SNAP91: variants seen among roughly 807,000 people sequenced by gnomAD.
SNAP91 encodes the protein clathrin coat assembly protein AP180.
SNAP91 carries 27 observed loss-of-function variants against 100.3 expected under a neutral mutation model. The ratio of observed to expected loss-of-function variants is 0.27; its 90% CI spans 0.20 to 0.37. The LOEUF is 0.37. Ranked by LOEUF, SNAP91 falls within the 10% of genes least tolerant of loss-of-function variation. The pLI, the probability that SNAP91 is intolerant of heterozygous loss-of-function variation, is 1.00. For synonymous variants in SNAP91, 404 were observed against 398.6 expected, an observed-to-expected ratio of 1.01 and a Z score of -0.16; for missense variants, 986 against 1,123.7, an observed-to-expected ratio of 0.88 and a Z score of 1.75.
intron 23 of SNAP91, among the ~76,000 whole-genome samples, chr6:83,581,267 T>C (rs1446111271): frequency 6.6e-6 from 1 of 152,150 alleles, no homozygotes; most frequent in African/African-American, 2.4e-5. Flanking sequence ...TGATCACATT[T>C]CAAAAGTAAT....
chr6:83,683,570 C>T (rs922353504), intron 2 of SNAP91, among the ~76,000 whole-genome samples: 4 of 152,140 alleles, frequency 2.6e-5, no homozygotes, highest in South Asian at 2.1e-4. Context: ...CCAGAGGTCC[C>T]GACCAGAAGC....
At chr6:83,665,698 T>G (rs984233596) in intron 2 of SNAP91, 117 bp from the exon 3 acceptor site, 1 of 817,370 alleles carries the variant, frequency 1.2e-6, no homozygotes, top group Non-Finnish European at 1.8e-6. Flanking sequence ...ACTTTGATAA[T>G]AGCTGATAAC....
intron 28 of SNAP91, among the ~76,000 whole-genome samples, chr6:83,557,915 T>C (rs919681990): frequency 6.6e-6 from 1 of 151,776 alleles, no homozygotes; most frequent in African/African-American, 2.4e-5. Flanking sequence ...CAAACTCACA[T>C]TTATTTTATT....
chr6:83,672,956 G>C lies in SNAP91; in HGVS notation c.131-7375C>G, dbSNP rs573882226. Among the ~76,000 whole-genome samples, 3 of 152,200 alleles carry C rather than the reference G, an allele frequency of 2.0e-5. No individual in the cohort carries two copies. The East Asian group carries it at 5.8e-4, about 29-fold the overall frequency. ...AATGTCAGAAAGGGGAATAAAAACT[G>C]GTCATTCTTTTATTTTATAATCATC... On this transcript the variant is annotated intron_variant, in intron 2 of 29. Transcript: ENST00000369694.
chr6:83,610,117 C>A (rs902504820), intron 12 of SNAP91, among the ~76,000 whole-genome samples: 5 of 151,968 alleles, frequency 3.3e-5, no homozygotes, highest in Admixed American at 3.3e-4. Flanking sequence ...TATATACCCC[C>A]AAAGAATCAA....
intron 2 of SNAP91, among the ~76,000 whole-genome samples, chr6:83,701,192 C>T (rs2099300704): frequency 6.6e-6 from 1 of 151,888 alleles, no homozygotes; most frequent in Non-Finnish European, 1.5e-5. Context: ...ATAATAGAGG[C>T]CAAAGAGACA....
chr6:83,593,126 A>C lies in SNAP91; in HGVS notation c.1774+56T>G, dbSNP rs978676301. On this transcript the variant is annotated intron_variant, in intron 19 of 29. Transcript: ENST00000369694. ...TATCACAGGTGAGTACAAAGAGCTT[A>C]ATCAGGAAAACATCTAAGAAACTAA... 8.8e-5 allele frequency: 135 copies of C among 1,532,012 alleles called. No individual in the cohort carries two copies. In the East Asian group the frequency reaches 3.2e-3, roughly 37 times the overall value. The allele number at this position is 1,532,012 out of a possible 1,614,324, so 94.9% of individuals were successfully genotyped here. A position where few individuals can be genotyped will look rare whatever the true frequency, so the allele number is the denominator to read the frequency against.
chr6:83,556,833 C>T (rs1261023840), intron 28 of SNAP91, among the ~76,000 whole-genome samples: 1 of 152,144 alleles, frequency 6.6e-6, no homozygotes, highest in Non-Finnish European at 1.5e-5. Context: ...ATTACTTACA[C>T]TTATTAGCTA....
intron 26 of SNAP91, among the ~76,000 whole-genome samples, chr6:83,568,633 G>A (rs1451769903): frequency 1.3e-5 from 2 of 152,132 alleles, no homozygotes; most frequent in African/African-American, 4.8e-5. Context: ...TCCTGCTAAG[G>A]TTTTTAGATC....
chr6:83,609,141 T>C (rs1313854966), intron 12 of SNAP91, among the ~76,000 whole-genome samples: 1 of 151,946 alleles, frequency 6.6e-6, no homozygotes, highest in Non-Finnish European at 1.5e-5. Context: ...CAGAAGCCCA[T>C]TAAAAAATGC....
rs556578708 is a variant in SNAP91, at chr6:83,686,131, A to G, written c.131-20550T>C. 11 of 981,860 alleles carry G rather than the reference A, an allele frequency of 1.1e-5. No individual in the cohort carries two copies. In the African/African-American group the frequency reaches 1.4e-4, roughly 12 times the overall value. 60.8% of individuals were successfully genotyped at this position (981,860 alleles called of 1,614,324 possible). ...CTGGAACATACTCTGCTTTTACCTC[A>G]GTTGCTTAAATTCTAGCCTTCCTTA... On this transcript the variant is annotated intron_variant, in intron 2 of 29. Transcript: ENST00000369694.
chr6:83,685,108 T>C (rs1239130248), intron 2 of SNAP91, among the ~76,000 whole-genome samples: 1 of 152,206 alleles, frequency 6.6e-6, no homozygotes. Flanking sequence ...AGAATTATGA[T>C]TGGATACCAC....
intron 21 of SNAP91, among the ~76,000 whole-genome samples, chr6:83,592,210 T>G (rs2093856510): frequency 6.6e-6 from 1 of 152,132 alleles, no homozygotes; most frequent in Non-Finnish European, 1.5e-5. Flanking sequence ...GAACAAAAAG[T>G]TGAAAACACC....
intron 27 of SNAP91, 31 bp downstream of exon 27, chr6:83,560,820 TTTAGAAATGTTGA>T: frequency 1.3e-6 from 2 of 1,525,858 alleles, no homozygotes; most frequent in Non-Finnish European, 1.8e-6. Context: ...TGGCAAATTA[TTTAGAAATGTTGA>T]TTACAATTTT....
At chr6:83,619,130 T>C (rs181171888) in intron 9 of SNAP91, among the ~76,000 whole-genome samples, 1 of 151,190 alleles carries the variant, frequency 6.6e-6, no homozygotes, top group Admixed American at 6.6e-5. Context: ...AAAATCACAA[T>C]AGCTGAAAGA....
chr6:83,651,508 T>C (rs9449677), intron 7 of SNAP91, among the ~76,000 whole-genome samples: 4,206 of 152,298 alleles, frequency 0.028, 197 homozygotes, highest in African/African-American at 0.093. Flanking sequence ...GACCCATGTG[T>C]TATTTAGAAG....
At chr6:83,569,240 G>A (rs1584411618) in intron 26 of SNAP91, among the ~76,000 whole-genome samples, 1 of 139,066 alleles carries the variant, frequency 7.2e-6, no homozygotes, top group Non-Finnish European at 1.5e-5. Flanking sequence ...AGTTTCTATT[G>A]TTCTAATTTC....
chr6:83,657,861 G>C (rs1350789797), intron 6 of SNAP91, among the ~76,000 whole-genome samples: 2 of 150,892 alleles, frequency 1.3e-5, no homozygotes, highest in South Asian at 2.1e-4. Flanking sequence ...CTGCCTCCCA[G>C]GTTCAAGCGA....
At chr6:83,561,862 T>G (rs1180014127) in intron 26 of SNAP91, among the ~76,000 whole-genome samples, 1 of 152,030 alleles carries the variant, frequency 6.6e-6, no homozygotes, top group African/African-American at 2.4e-5. Context: ...ACAAAATATT[T>G]TTTAGAAGTT....
Sources: gnomAD v4.1 joint callset for allele counts (sites outside exome capture counted in the v4.1 genomes callset) on GRCh38, gnomAD v4.1.1 for gene constraint, MANE v1.5 for transcripts, NCBI Gene and HGNC (gene_info 2026-07-23, HGNC 2026-07-21) for gene names.